Variants in LZTFL1 observed in about 807,000 individuals in gnomAD.
LZTFL1 encodes the protein leucine zipper transcription factor-like protein 1.
LZTFL1 carries 25 observed loss-of-function variants against 45.9 expected under a neutral mutation model. The observed-to-expected ratio is 0.54, with a 90% confidence interval of 0.40 to 0.76. LZTFL1 has a LOEUF of 0.76. Among genes scored for constraint, LZTFL1 ranks in the 30% least tolerant of loss-of-function variants. LZTFL1 has a pLI of 0.00. For missense variants in LZTFL1, 277 were observed against 331.1 expected (o/e 0.84, Z 1.27); for synonymous variants, 93 against 117.4 (o/e 0.79, Z 1.35).
Position 45,903,282 on chromosome 3 carries a change from C to T in LZTFL1, c.-215+9838G>A, listed in dbSNP as rs993084574. On this transcript the variant is annotated intron_variant, in intron 2 of 4. Coordinates refer to the LZTFL1 transcript ENST00000472635. ...CTACTTTCCCTGCTTCTCTCTACTG[C>T]AATTGACTAGTCTTTAAAAAAAAGT... The T allele has an allele frequency of 1.9e-5, 3 of 160,218 alleles. No homozygotes were observed. The Admixed American group carries it at 2.0e-4, about 10-fold the overall frequency. The allele number at this position is 160,218 out of a possible 1,614,324, so 9.9% of individuals were successfully genotyped here.
At chr3:45,877,744 T>TG (rs1701773612) in intron 2 of LZTFL1, among the ~76,000 whole-genome samples, 1 of 150,848 alleles carries the variant, frequency 6.6e-6, no homozygotes, top group African/African-American at 2.4e-5. Context: ...TTTATTAGTT[T>TG]TTTTTTTTTT....
intron 3 of LZTFL1, chr3:45,835,309 C>A: frequency 2.8e-6 from 1 of 354,448 alleles, no homozygotes. Context: ...ACTGACCAAG[C>A]TAACAAAAAT....
chr3:45,841,917 CCGCT>C, intron 1 of LZTFL1, 68 bp downstream of exon 1: 1 of 1,571,408 alleles, frequency 6.4e-7, no homozygotes. Flanking sequence ...CCGGGCCCAC[CCGCT>C]CAGTGTCTCC....
intron 9 of LZTFL1, 199 bp downstream of exon 9, chr3:45,827,157 T>G: frequency 3.6e-6 from 2 of 554,302 alleles, no homozygotes; most frequent in Non-Finnish European, 6.3e-6. Flanking sequence ...AAGGCCTAGA[T>G]GAACCTAAAA....
intron 2 of LZTFL1, among the ~76,000 whole-genome samples, chr3:45,860,340 G>A (rs558224208): frequency 6.6e-6 from 1 of 152,190 alleles, no homozygotes; most frequent in South Asian, 2.1e-4. Flanking sequence ...ATGCATATAG[G>A]CATGTGCAAG....
At chr3:45,864,048 T>C (rs1701538712) in intron 2 of LZTFL1, among the ~76,000 whole-genome samples, 1 of 152,208 alleles carries the variant, frequency 6.6e-6, no homozygotes, top group Admixed American at 6.5e-5. Context: ...ATCTCTAACA[T>C]AACACACAGC....
chr3:45,857,711 A>AAAAGTAGATT (rs1559411177), intron 3 of LZTFL1, among the ~76,000 whole-genome samples: 1 of 152,228 alleles, frequency 6.6e-6, no homozygotes, highest in Non-Finnish European at 1.5e-5. Context: ...GACAATTTTT[A>AAAAGTAGATT]AAAGTAGATC....
chr3:45,839,339 C>T (rs1403816122), intron 1 of LZTFL1, among the ~76,000 whole-genome samples: 3 of 152,156 alleles, frequency 2.0e-5, no homozygotes. Flanking sequence ...CCACCTGCCT[C>T]GGCCTCCCAA....
At chr3:45,835,843 A>G in intron 2 of LZTFL1, 59 bp from the exon 3 acceptor site, 2 of 1,304,438 alleles carry the variant, frequency 1.5e-6, no homozygotes, top group South Asian at 1.5e-5. Context: ...TCTACAAAAT[A>G]CAGCAAAATT....
At chr3:45,848,282 T>A (rs977874649) in intron 4 of LZTFL1, among the ~76,000 whole-genome samples, 1 of 152,236 alleles carries the variant, frequency 6.6e-6, no homozygotes, top group Non-Finnish European at 1.5e-5. Context: ...TCTTCTTTTT[T>A]ACAATGGTCC....
intron 2 of LZTFL1, among the ~76,000 whole-genome samples, chr3:45,898,867 T>C (rs1448115301): frequency 6.6e-6 from 1 of 152,164 alleles, no homozygotes; most frequent in African/African-American, 2.4e-5. Flanking sequence ...AATGTGCAAT[T>C]AAAATAAAAC....
At chr3:45,835,028 G>A (rs1700927231) in intron 3 of LZTFL1, 1 of 152,848 alleles carries the variant, frequency 6.5e-6, no homozygotes, top group Admixed American at 6.5e-5. Flanking sequence ...AGTCCTTCCT[G>A]ATTTCTGGCA....
intron 2 of LZTFL1, among the ~76,000 whole-genome samples, chr3:45,910,880 G>T (rs960599762): frequency 6.6e-6 from 1 of 152,162 alleles, no homozygotes; most frequent in African/African-American, 2.4e-5. Flanking sequence ...GGCATATTTA[G>T]CTTGGGGTCT....
At chr3:45,836,131 C>A (rs2125687410) in intron 2 of LZTFL1, among the ~76,000 whole-genome samples, 1 of 152,226 alleles carries the variant, frequency 6.6e-6, no homozygotes. Flanking sequence ...TCAAAAGTCA[C>A]CCGGAAGGCA....
intron 7 of LZTFL1, among the ~76,000 whole-genome samples, chr3:45,829,371 G>A (rs1700753183): frequency 6.6e-6 from 1 of 152,096 alleles, no homozygotes; most frequent in South Asian, 2.1e-4. Context: ...AGGAGGCCAA[G>A]GGAGGAGGAC....
intron 2 of LZTFL1, among the ~76,000 whole-genome samples, chr3:45,911,239 G>T (rs1374423450): frequency 6.6e-6 from 1 of 152,156 alleles, no homozygotes; most frequent in Non-Finnish European, 1.5e-5. Flanking sequence ...TAACTCTAGG[G>T]CCATATTTTA....
At chr3:45,847,477 TG>T (rs1226521185) in intron 4 of LZTFL1, among the ~76,000 whole-genome samples, 1 of 152,192 alleles carries the variant, frequency 6.6e-6, no homozygotes, top group African/African-American at 2.4e-5. Context: ...ACATTGTGTT[TG>T]GGGGCAAGTA....
chr3:45,897,091 G>C (rs932218804), intron 2 of LZTFL1, among the ~76,000 whole-genome samples: 4 of 152,172 alleles, frequency 2.6e-5, no homozygotes, highest in Non-Finnish European at 2.9e-5. Context: ...TGGGCTCAGA[G>C]GCTTGCCAGG....
intron 2 of LZTFL1, chr3:45,895,091 G>A (rs1041089810): frequency 2.2e-5 from 20 of 905,776 alleles, no homozygotes; most frequent in South Asian, 1.5e-4. Context: ...CTGGCAATGC[G>A]CATTGCTGGG....
Sources: allele counts gnomAD v4.1 joint callset (sites outside exome capture counted in the v4.1 genomes callset), GRCh38; gene constraint gnomAD v4.1.1; transcripts MANE v1.5; gene names NCBI Gene and HGNC (gene_info 2026-07-23, HGNC 2026-07-21).